Variants in MYSM1 observed in about 807,000 individuals in gnomAD.
MYSM1 encodes deubiquitinase MYSM1.
MYSM1 carries 51 observed loss-of-function variants against 116.0 expected under a neutral mutation model. The ratio of observed to expected loss-of-function variants is 0.44; its 90% CI spans 0.35 to 0.56. The LOEUF (loss-of-function observed/expected upper bound fraction) is 0.56, where lower values mean the gene tolerates loss of function less well. Among genes scored for constraint, MYSM1 ranks in the 20% least tolerant of loss-of-function variants. The pLI, the probability that MYSM1 is intolerant of heterozygous loss-of-function variation, is 0.00. For missense variants in MYSM1, 900 were observed against 974.9 expected, an observed-to-expected ratio of 0.92 and a Z score of 1.02; for synonymous variants, 313 against 315.2, an observed-to-expected ratio of 0.99 and a Z score of 0.07.
Position 58,675,574 on chromosome 1 carries a change from G to A in MYSM1, c.1397C>T (p.Ala466Val). Residue 466 changes from alanine to valine, a missense_variant, in exon 10 of 20, where the codon GCT becomes GTT. Ala to Val is a moderately conservative substitution (Grantham distance 64, BLOSUM62 0). Around this residue, in one of 3 missense-constraint regions of MYSM1, gnomAD observed 622 missense variants for 623.7 expected, o/e 1.00. Coordinates refer to ENST00000472487, the MANE Select transcript of MYSM1 (RefSeq NM_001085487.3). ...AACTGTTTGTGGCCTATTATACACA[G>A]CCTGTTCTATTGGAATTCAGGAAAG... ...IGAINFGCEQAVYNRPQTVDK... is the reference protein window; with the variant it reads ...IGAINFGCEQVVYNRPQTVDK... 2 of 1,612,280 alleles carry A rather than the reference G, an allele frequency of 1.2e-6. No individual in the cohort carries two copies. The highest frequency in any genetic ancestry group is 8.5e-7 in the Non-Finnish European group (1 of 1,178,810).
intron 7 of MYSM1, among the ~76,000 whole-genome samples, chr1:58,684,904 A>C (rs1644805209): frequency 6.6e-6 from 1 of 152,296 alleles, no homozygotes; most frequent in East Asian, 1.9e-4. Flanking sequence ...GCTTTATAGT[A>C]TATTTTTGAG....
chr1:58,681,957 C>G lies in MYSM1; in HGVS notation c.1087G>C (p.Val363Leu), dbSNP rs371136355. ...NEMLFHSCQMVEESHEEEELK... is the reference protein window; with the variant it reads ...NEMLFHSCQMLEESHEEEELK... ...TCTTCTTCCTCATGGCTTTCCTCTA[C>G]CATTTGGCAAGAATGAAAAAGCATT... The change falls in exon 8 of 20, where the codon GTA becomes CTA. Residue 363 changes from valine (V) to leucine (L), a missense_variant. This residue lies in a region of MYSM1 where 622 missense variants were observed against 623.7 expected (regional missense o/e 1.00). Coordinates refer to ENST00000472487, the MANE Select transcript of MYSM1 (RefSeq NM_001085487.3). 30 of 1,613,970 alleles carry G rather than the reference C, an allele frequency of 1.9e-5. 1 individual carries two copies. The African/African-American group carries it at 2.7e-4, about 14-fold the overall frequency.
intron 6 of MYSM1, among the ~76,000 whole-genome samples, chr1:58,688,421 TA>T (rs11309030): frequency 0.043 from 6,547 of 151,030 alleles, 464 homozygotes; most frequent in African/African-American, 0.15. Context: ...GTAAAAAAAT[TA>T]AAAAAAAATC....
intron 9 of MYSM1, among the ~76,000 whole-genome samples, chr1:58,675,909 G>A (rs1393408895): frequency 5.3e-5 from 8 of 152,122 alleles, no homozygotes; most frequent in Non-Finnish European, 1.2e-4. Flanking sequence ...AAGGCTTTGG[G>A]AAAACAAAGA....
At chr1:58,662,883 C>A (rs1418646121) in intron 17 of MYSM1, among the ~76,000 whole-genome samples, 1 of 152,026 alleles carries the variant, frequency 6.6e-6, no homozygotes. Context: ...TAAGCAAACT[C>A]CTTATGGTGA....
intron 9 of MYSM1, among the ~76,000 whole-genome samples, chr1:58,676,405 GA>G (rs66986748): frequency 0.39 from 35,555 of 91,030 alleles, 4,288 homozygotes; most frequent in Middle Eastern, 0.51. Flanking sequence ...AACAGAGCGA[GA>G]AAAAAAAAAA....
In MYSM1 at chr1:58,658,334, T is replaced by C. The variant is rs1050124571; in HGVS notation, c.*1663A>G. 1 of 144,468 alleles carries C rather than the reference T, an allele frequency of 6.9e-6. No individual in the cohort carries two copies. Among genetic ancestry groups the C allele is most frequent in the Non-Finnish European group, 1.5e-5 (1 of 66,746 alleles). The allele number at this position is 144,468 out of a possible 1,614,324, so 8.9% of individuals were successfully genotyped here. A position where few individuals can be genotyped will look rare whatever the true frequency, so the allele number is the denominator to read the frequency against. ...ACAGAGAAATGGAAAAATACTACCC[T>C]TTTTTTTTTAAATGTATGTTAATTT... On this transcript the variant is annotated 3_prime_UTR_variant, in exon 20 of 20. Transcript: ENST00000472487.
chr1:58,687,491 TATTTGC>T (rs1299734022), intron 6 of MYSM1, among the ~76,000 whole-genome samples: 1 of 152,182 alleles, frequency 6.6e-6, no homozygotes, highest in East Asian at 1.9e-4. Context: ...AAATTCAATC[TATTTGC>T]AGATGTAAGC....
At chr1:58,694,632 TAAC>T (rs1000215747) in intron 2 of MYSM1, among the ~76,000 whole-genome samples, 2 of 150,186 alleles carry the variant, frequency 1.3e-5, no homozygotes, top group Non-Finnish European at 3.0e-5. Context: ...AAAAAAAAAG[TAAC>T]TACTACATGA....
chr1:58,665,439 T>C, intron 17 of MYSM1, 60 bp downstream of exon 17: 2 of 1,265,732 alleles, frequency 1.6e-6, no homozygotes, highest in Non-Finnish European at 2.2e-6. Context: ...TCTTTTGATT[T>C]GTATGAGTCA....
At chr1:58,670,914 A>G (rs1003478414) in intron 12 of MYSM1, among the ~76,000 whole-genome samples, 6 of 152,232 alleles carry the variant, frequency 3.9e-5, no homozygotes, top group South Asian at 2.1e-4. Flanking sequence ...CACAATAAAT[A>G]TAAGTCTCAC....
chr1:58,669,836 CAAAA>C (rs58828009), intron 12 of MYSM1, among the ~76,000 whole-genome samples: 231 of 14,338 alleles, frequency 0.016, 3 homozygotes, highest in South Asian at 0.026. Flanking sequence ...ACCCTGTCTC[CAAAA>C]AAAAAAAAAA....
At chr1:58,677,295 T>C (rs1467644572) in intron 8 of MYSM1, among the ~76,000 whole-genome samples, 1 of 152,150 alleles carries the variant, frequency 6.6e-6, no homozygotes, top group Non-Finnish European at 1.5e-5. Flanking sequence ...TCTTCCCCAA[T>C]GTTAAATTCA....
rs1054782863 is a variant in MYSM1, at chr1:58,668,742, C to G, written c.1717-60G>C. On this transcript the variant is annotated intron_variant, in intron 13 of 19. Transcript: ENST00000472487. Reference sequence around the variant, plus strand: ...ATAAAAATAGAGATTTTTGTTTTCCCCACCTGGAATGCCCACCCTGTTCTC... The same window carrying G: ...ATAAAAATAGAGATTTTTGTTTTCCGCACCTGGAATGCCCACCCTGTTCTC... 25 of 1,472,848 alleles carry G rather than the reference C, an allele frequency of 1.7e-5. No individual in the cohort carries two copies. In the African/African-American group the frequency reaches 2.7e-4, roughly 16 times the overall value. The allele number at this position is 1,472,848 out of a possible 1,614,324, so 91.2% of individuals were successfully genotyped here.
At position 58,691,190 on chromosome 1, in the gene MYSM1, G is replaced by A. The variant is rs1207524542; in HGVS notation, c.219-773C>T. On this transcript the variant is annotated intron_variant, in intron 3 of 19. Transcript: ENST00000472487. ...AGCTACTCAGAAGGCTGAGGCAGGAGAATGGAGTGAACCTGGAAGGCGGAG... is the reference window on the plus strand; with the variant it reads ...AGCTACTCAGAAGGCTGAGGCAGGAAAATGGAGTGAACCTGGAAGGCGGAG... Among the ~76,000 whole-genome samples, 5 of 141,478 alleles carry A rather than the reference G, an allele frequency of 3.5e-5. No homozygotes were observed. In the Admixed American group the frequency reaches 3.6e-4, roughly 10 times the overall value. The allele number at this position is 141,478 out of a possible 152,430, so 92.8% of individuals were successfully genotyped here.
At chr1:58,674,629 A>C (rs890684323) in intron 10 of MYSM1, among the ~76,000 whole-genome samples, 1 of 152,204 alleles carries the variant, frequency 6.6e-6, no homozygotes, top group African/African-American at 2.4e-5. Flanking sequence ...TCTGCCTTAT[A>C]AAGAGTGTTG....
intron 1 of MYSM1, among the ~76,000 whole-genome samples, chr1:58,697,803 G>C (rs1006740366): frequency 6.6e-6 from 1 of 151,402 alleles, no homozygotes. Context: ...TGGTCAGGCT[G>C]ATCTCGAACT....
intron 17 of MYSM1, 40 bp downstream of exon 17, chr1:58,665,459 G>A (rs758938771): frequency 6.9e-7 from 1 of 1,450,834 alleles, no homozygotes; most frequent in Non-Finnish European, 9.4e-7. Context: ...AAAGAAATAA[G>A]AGTAGAAAGA....
At chr1:58,673,419 G>A (rs1325008738) in intron 11 of MYSM1, among the ~76,000 whole-genome samples, 154 bp downstream of exon 11, 1 of 152,092 alleles carries the variant, frequency 6.6e-6, no homozygotes, top group Non-Finnish European at 1.5e-5. Context: ...CTTCTACTTT[G>A]GTGTTTACTG....
Sources: allele counts gnomAD v4.1 joint callset (sites outside exome capture counted in the v4.1 genomes callset), GRCh38; gene constraint gnomAD v4.1.1; regional missense constraint gnomAD v4.1.1; transcripts MANE v1.5; gene names NCBI Gene and HGNC (gene_info 2026-07-23, HGNC 2026-07-21).